Variants in SLC26A8 observed in about 807,000 individuals in gnomAD.
The protein encoded by SLC26A8 is testis anion transporter 1.
A neutral mutation model predicts 105.0 loss-of-function variants in SLC26A8; 70 were observed. The ratio of observed to expected loss-of-function variants is 0.67; its 90% confidence interval spans 0.55 to 0.81. SLC26A8 has a LOEUF of 0.81. SLC26A8 is among the 40% of genes least tolerant of loss of function. The probability of loss-of-function intolerance (pLI) is 0.00; values close to 1 mark genes in which losing one functional copy is unlikely to be tolerated. For synonymous variants in SLC26A8, 415 were observed against 438.3 expected (o/e 0.95, Z 0.66); for missense variants, 998 against 1,181.8 (o/e 0.84, Z 2.28).
At chr6:35,959,644 A>G in intron 15 of SLC26A8, 53 bp from the exon 16 acceptor site, 2 of 1,608,748 alleles carry the variant, frequency 1.2e-6, no homozygotes, top group Non-Finnish European at 1.7e-6. Context: ...ACAGAAGGTG[A>G]AAGAGTGGGA....
intron 14 of SLC26A8, chr6:35,960,614 C>T: frequency 3.9e-6 from 2 of 506,684 alleles, no homozygotes; most frequent in South Asian, 6.2e-5. Flanking sequence ...CAAGATCAAG[C>T]CACTGCACTG....
intron 3 of SLC26A8, among the ~76,000 whole-genome samples, chr6:36,007,405 G>A (rs1035724809): frequency 6.6e-6 from 1 of 152,078 alleles, no homozygotes; most frequent in Non-Finnish European, 1.5e-5. Flanking sequence ...AAACACGTAG[G>A]ATCTCTATGC....
intron 3 of SLC26A8, among the ~76,000 whole-genome samples, chr6:36,004,252 GT>G (rs1366478290): frequency 6.6e-6 from 1 of 150,664 alleles, no homozygotes; most frequent in Non-Finnish European, 1.5e-5. Context: ...ATTTTTTGTA[GT>G]TTTCATAGAG....
chr6:35,968,609 G>GAAAA (rs1562030743), intron 11 of SLC26A8, among the ~76,000 whole-genome samples: 1 of 60,072 alleles, frequency 1.7e-5, no homozygotes, highest in Non-Finnish European at 3.3e-5. Context: ...GTGTGTGTGT[G>GAAAA]TATATATATA....
chr6:36,020,848 T>C (rs1762111810), intron 1 of SLC26A8, among the ~76,000 whole-genome samples: 1 of 152,204 alleles, frequency 6.6e-6, no homozygotes, highest in Admixed American at 6.5e-5. Flanking sequence ...TCAAATTATA[T>C]AGATTACACA....
At chr6:35,991,550 G>A in intron 7 of SLC26A8, 109 bp downstream of exon 7, 1 of 759,496 alleles carries the variant, frequency 1.3e-6, no homozygotes, top group Non-Finnish European at 1.9e-6. Flanking sequence ...ACAAATATAA[G>A]CATATATTGA....
rs569040036 is a variant in SLC26A8 at position 35,951,156 on chromosome 6, G to A, written c.2472+7C>T. The stretch of plus-strand genomic sequence containing the variant: ...CCCCAACCTCATGCTTTGTCGGTTT[G>A]TCTGACCTTGTCTGTTTCTGAGTAG... On this transcript the variant is annotated splice_region_variant and intron_variant, in intron 19 of 19. Transcript: ENST00000490799. 3 of 1,461,094 alleles carry A rather than the reference G, an allele frequency of 2.1e-6. No homozygotes were observed. In the South Asian group the frequency reaches 3.4e-5, roughly 16 times the overall value. 90.5% of individuals were successfully genotyped at this position (1,461,094 alleles called of 1,614,324 possible). A position where few individuals can be genotyped will look rare whatever the true frequency, so the allele number is the denominator to read the frequency against.
intron 11 of SLC26A8, among the ~76,000 whole-genome samples, chr6:35,967,982 G>A (rs1032441318): frequency 6.6e-6 from 1 of 152,036 alleles, no homozygotes; most frequent in East Asian, 1.9e-4. Flanking sequence ...AGAATGGCTG[G>A]GATTACAGGC....
At chr6:35,967,837 T>C (rs1291964967) in intron 11 of SLC26A8, among the ~76,000 whole-genome samples, 2 of 152,202 alleles carry the variant, frequency 1.3e-5, no homozygotes, top group Non-Finnish European at 2.9e-5. Context: ...GATTCAATAA[T>C]AATAATAACT....
At chr6:35,960,061 A>T (rs901771944) in intron 14 of SLC26A8, 3 of 323,950 alleles carry the variant, frequency 9.3e-6, no homozygotes, top group Non-Finnish European at 1.1e-5. Flanking sequence ...GGCACCTGCC[A>T]TCACGCCCTG....
chr6:35,975,360 T>C lies in SLC26A8; in HGVS notation c.1287+15A>G. ...TATGTTTATGTATTAGAGATCAAAT[T>C]GTATTTCAACATACCTGTTGTCTTC... On this transcript the variant is annotated intron_variant, in intron 10 of 19. Transcript: ENST00000490799. 6.9e-7 allele frequency: 1 copy of C among 1,448,372 alleles called. No individual in the cohort carries two copies. The highest frequency in any genetic ancestry group is 9.7e-7 in the Non-Finnish European group (1 of 1,035,942). 89.7% of individuals were successfully genotyped at this position (1,448,372 alleles called of 1,614,324 possible). A position where few individuals can be genotyped will look rare whatever the true frequency, so the allele number is the denominator to read the frequency against.
intron 8 of SLC26A8, among the ~76,000 whole-genome samples, chr6:35,979,833 C>G (rs913760182): frequency 1.3e-5 from 2 of 152,214 alleles, no homozygotes; most frequent in African/African-American, 4.8e-5. Context: ...TTACTATTCT[C>G]TAGCAGCCCT....
intron 2 of SLC26A8, among the ~76,000 whole-genome samples, chr6:36,015,437 G>A (rs1426498470): frequency 1.3e-5 from 2 of 152,156 alleles, no homozygotes; most frequent in African/African-American, 4.8e-5. Context: ...GCATTGTGCT[G>A]TGCTACCTTT....
In SLC26A8 at chr6:36,022,624, C is replaced by T. The variant is rs545632516; in HGVS notation, c.-3+1880G>A. On this transcript the variant is annotated intron_variant, in intron 1 of 19. Coordinates refer to ENST00000490799, the MANE Select transcript of SLC26A8 (RefSeq NM_052961.4). ...GGAGATGTTATCAAGTCATAAACTCCTACGACCACAGTGAGGATGGCTAGG... is the reference window on the plus strand; with the variant it reads ...GGAGATGTTATCAAGTCATAAACTCTTACGACCACAGTGAGGATGGCTAGG... 3.9e-5 allele frequency among the ~76,000 whole-genome samples: 6 copies of T among 152,228 alleles called. No homozygotes were observed. In the South Asian group the frequency reaches 1.2e-3, roughly 32 times the overall value.
chr6:36,001,126 T>G (rs562383759), intron 3 of SLC26A8, among the ~76,000 whole-genome samples: 1 of 152,104 alleles, frequency 6.6e-6, no homozygotes, highest in Non-Finnish European at 1.5e-5. Context: ...GGCCAGTTGG[T>G]ATTCTTTTTC....
In SLC26A8 at chr6:35,959,462, T is replaced by C; in HGVS notation, c.1861A>G (p.Arg621Gly). ...AGGAAAGAAAAGGCATTTCTAACCC[T>C]GGGCAGCGGCTCCAGATCATCACAG... ...CNCDDLEPLPRILYTERFENK... is the reference protein window; with the variant it reads ...CNCDDLEPLPGILYTERFENK... Residue 621 changes from arginine to glycine, a missense_variant and splice_region_variant, in exon 16 of 20, where the codon AGG becomes GGG. Physicochemically the swap from Arg to Gly is moderately radical, Grantham distance 125 (BLOSUM62 -2). Transcript: ENST00000490799. 1 of 1,608,498 alleles carries C rather than the reference T, an allele frequency of 6.2e-7. No individual in the cohort carries two copies. Among genetic ancestry groups the C allele is most frequent in the Non-Finnish European group, 8.5e-7 (1 of 1,178,536 alleles).
At chr6:35,994,696 C>T (rs957745715) in intron 5 of SLC26A8, among the ~76,000 whole-genome samples, 1 of 152,114 alleles carries the variant, frequency 6.6e-6, no homozygotes, top group Non-Finnish European at 1.5e-5. Flanking sequence ...CCACCTCAGC[C>T]TCCCGAGTAG....
intron 19 of SLC26A8, among the ~76,000 whole-genome samples, chr6:35,945,320 G>A (rs148551442): frequency 1.3e-4 from 20 of 152,182 alleles, no homozygotes; most frequent in East Asian, 5.8e-4. Context: ...TAGCTAGACC[G>A]GATTTCATGA....
chr6:36,015,834 A>AG (rs11409735), intron 2 of SLC26A8, among the ~76,000 whole-genome samples: 110,547 of 151,716 alleles, frequency 0.73, 40,999 homozygotes, highest in African/African-American at 0.82. Context: ...AGGGCTGTGT[A>AG]GGACTTTCCA....
Sources: gnomAD v4.1 joint callset for allele counts (sites outside exome capture counted in the v4.1 genomes callset) on GRCh38, gnomAD v4.1.1 for gene constraint, MANE v1.5 for transcripts, NCBI Gene and HGNC (gene_info 2026-07-23, HGNC 2026-07-21) for gene names.